Variants in PLCB3 observed in about 807,000 individuals in gnomAD.
PLCB3 encodes the protein phospholipase C beta 3.
Under a neutral mutation model 152.1 loss-of-function variants are expected in PLCB3, and 54 were observed. The observed-to-expected ratio is 0.36, with a 90% confidence interval of 0.29 to 0.45. The LOEUF (loss-of-function observed/expected upper bound fraction) is 0.45, where lower values mean the gene tolerates loss of function less well. Among genes scored for constraint, PLCB3 ranks in the 20% least tolerant of loss-of-function variants. The probability of loss-of-function intolerance (pLI) is 1.00; values close to 1 mark genes in which losing one functional copy is unlikely to be tolerated. For missense variants in PLCB3, 1,248 were observed against 1,687.5 expected (o/e 0.74, Z 4.56); for synonymous variants, 717 against 698.7 (o/e 1.03, Z -0.41).
In PLCB3 at chr11:64,259,130, C is replaced by T. The variant is rs1434673503; in HGVS notation, c.1411C>T (p.His471Tyr). Residue 471 changes from histidine (H) to tyrosine (Y), a missense_variant, in exon 13 of 31, where the codon CAC (histidine) becomes TAC (tyrosine). By Grantham distance (83) the His-to-Tyr change is moderately conservative. Coordinates refer to ENST00000279230, the MANE Select transcript of PLCB3 (RefSeq NM_000932.5). ...TATCCTGGTGAAGAACAAGAAGCGG[C>T]ACCGACCCAGCGCAGGTGGCCCAGA... ...GRILVKNKKRHRPSAGGPDSA... is the reference protein window; with the variant it reads ...GRILVKNKKRYRPSAGGPDSA... The T allele has an allele frequency of 1.9e-6, 3 of 1,611,890 alleles. No individual in the cohort carries two copies. The highest frequency in any genetic ancestry group is 4.5e-5 in the East Asian group (2 of 44,836).
In PLCB3 at chr11:64,262,528, G is replaced by T; in HGVS notation, c.2160G>T (p.Val720=). The T allele has an allele frequency of 6.2e-7, 1 of 1,613,964 alleles. No individual in the cohort carries two copies. Among genetic ancestry groups the T allele is most frequent in the Non-Finnish European group, 8.5e-7 (1 of 1,179,980 alleles). Residue 720 remains valine, a synonymous_variant, in exon 18 of 31, where the codon GTG becomes GTT. Coordinates refer to ENST00000279230, the MANE Select transcript of PLCB3 (RefSeq NM_000932.5). The stretch of plus-strand genomic sequence containing the variant: ...TCGACCCCTTCACTGAGGTCATCGT[G>T]GATGGCATCGTGGCCAATGCCTTGC... ...KSFDPFTEVI[V]DGIVANALRV...
In PLCB3 at chr11:64,261,958, C is replaced by T. The variant is rs772626853; in HGVS notation, c.1920C>T (p.Asn640=). The change falls in exon 17 of 31, where the codon AAC becomes AAT. Residue 640 remains asparagine, a synonymous_variant. Transcript: ENST00000279230. The part of the protein sequence containing the change: ...TKSPMEFVEY[N]KQQLSRIYPK... The stretch of plus-strand genomic sequence containing the variant: ...CCCTGACCACCAATCTCAGATACAA[C>T]AAGCAGCAGCTCAGCCGCATCTACC... 6.2e-7 allele frequency: 1 copy of T among 1,614,138 alleles called. No homozygotes were observed. Among genetic ancestry groups the T allele is most frequent in the Non-Finnish European group, 8.5e-7 (1 of 1,179,998 alleles).
chr11:64,265,136 C>T, intron 23 of PLCB3, 32 bp downstream of exon 23: 3 of 1,551,040 alleles, frequency 1.9e-6, no homozygotes, highest in Non-Finnish European at 2.6e-6. Flanking sequence ...GGGTGGGCTG[C>T]AGGGAGGCAC....
chr11:64,263,396 A>G (rs1275956273), intron 19 of PLCB3, 102 bp from the exon 20 acceptor site: 4 of 697,500 alleles, frequency 5.7e-6, no homozygotes, highest in Admixed American at 5.1e-5. Context: ...AGCTCGTCTG[A>G]AGGTCTGCTT....
At position 64,267,397 on chromosome 11, in the gene PLCB3, G is replaced by A. The variant is rs372161244; in HGVS notation, c.3546G>A (p.Arg1182=). The A allele has an allele frequency of 6.5e-7, 1 of 1,540,538 alleles. No individual in the cohort carries two copies. The highest frequency in any genetic ancestry group is 1.2e-5 in the South Asian group (1 of 82,712). Residue 1182 remains arginine (R), a synonymous_variant, in exon 31 of 31, where the codon AGG becomes AGA. Coordinates refer to ENST00000279230, the MANE Select transcript of PLCB3 (RefSeq NM_000932.5). The surrounding 1 kb of genome is among the most constrained non-coding windows in gnomAD (Gnocchi z 5.2). The part of the protein sequence containing the change: ...LAQECQEQRA[R]LPQEIRRSLL... The stretch of plus-strand genomic sequence containing the variant: ...AGGAGTGTCAGGAGCAGCGGGCGAG[G>A]CTCCCCCAGGAGATCCGCCGGAGCC...
At position 64,258,777 on chromosome 11, in the gene PLCB3, T is replaced by C; in HGVS notation, c.1253+64T>C. ...GACAGTCTTCCAGCTTCAGTGCTGT[T>C]GGACTGCTCAGGGACCTCCAACCCT... On this transcript the variant is annotated intron_variant, in intron 11 of 30. Coordinates refer to ENST00000279230, the MANE Select transcript of PLCB3 (RefSeq NM_000932.5). The surrounding 1 kb of genome is among the most constrained non-coding windows in gnomAD (Gnocchi z 7.2). The C allele has an allele frequency of 1.2e-6, 2 of 1,607,256 alleles. No homozygotes were observed. The highest frequency in any genetic ancestry group is 4.5e-5 in the East Asian group (2 of 44,768).
At chr11:64,260,959 T>C (rs773348804) in intron 14 of PLCB3, among the ~76,000 whole-genome samples, 2 of 152,080 alleles carry the variant, frequency 1.3e-5, no homozygotes, top group African/African-American at 2.4e-5. Flanking sequence ...TAAAGGGTCA[T>C]GATGTCTATA....
intron 8 of PLCB3, 116 bp from the exon 9 acceptor site, chr11:64,256,260 A>T: frequency 1.2e-6 from 1 of 866,370 alleles, no homozygotes; most frequent in East Asian, 2.6e-5. Context: ...AGTCCCACTC[A>T]CTGGGTGCCA....
Position 64,256,219 on chromosome 11 carries a change from G to A in PLCB3, c.699-157G>A, listed in dbSNP as rs80119495. 6.7e-3 allele frequency among the ~76,000 whole-genome samples: 1,022 copies of A among 152,256 alleles called. 11 individuals are homozygous for A. Among genetic ancestry groups the A allele is most frequent in the African/African-American group, 0.024 (985 of 41,546 alleles). On this transcript the variant is annotated intron_variant, in intron 8 of 30. Coordinates refer to ENST00000279230, the MANE Select transcript of PLCB3 (RefSeq NM_000932.5). The stretch of plus-strand genomic sequence containing the variant: ...AGTCAGGAGAGTAAAGGGGGAAACT[G>A]AGGCCCAGAGGTTGGCCATGACTCA...
chr11:64,267,384 A>G lies in PLCB3; in HGVS notation c.3533A>G (p.Glu1178Gly), dbSNP rs1296819765. 2.6e-6 allele frequency: 4 copies of G among 1,543,746 alleles called. No homozygotes were observed. The highest frequency in any genetic ancestry group is 1.2e-5 in the South Asian group (1 of 83,128). ...GCCCAGCTGGCCCAGGAGTGTCAGG[A>G]GCAGCGGGCGAGGCTCCCCCAGGAG... is the stretch of plus-strand genomic sequence containing the variant. ...LLAQLAQECQ[E>G]QRARLPQEIR... The change falls in exon 31 of 31, where the codon GAG (glutamate) becomes GGG (glycine). Residue 1178 changes from glutamate (E) to glycine (G), a missense_variant. This residue lies in a region of PLCB3 where 477 missense variants were observed against 489.6 expected (regional missense o/e 0.97). Transcript: ENST00000279230. This position sits in a 1 kb window ranked among gnomAD's most constrained non-coding sequence, Gnocchi z 5.2.
intron 22 of PLCB3, 43 bp downstream of exon 22, chr11:64,264,155 G>A (rs371855589): frequency 7.3e-5 from 97 of 1,337,532 alleles, no homozygotes; most frequent in Non-Finnish European, 9.7e-5. Context: ...TGTGACCCAG[G>A]GGGCCGCTGG....
chr11:64,267,626 TGC>T lies in PLCB3; in HGVS notation c.*71_*72del. On this transcript the variant is annotated 3_prime_UTR_variant, in exon 31 of 31. Transcript: ENST00000279230. This position sits in a 1 kb window ranked among gnomAD's most constrained non-coding sequence, Gnocchi z 5.2. ...GGAGGGCAGGAGGCAATGACACTAA[TGC>T]TTTTTTTTTTTTTTTTTAACTTTTT... is the stretch of plus-strand genomic sequence containing the variant. 1.0e-6 allele frequency: 1 copy of T among 997,258 alleles called. No homozygotes were observed. The highest frequency in any genetic ancestry group is 1.6e-5 in the South Asian group (1 of 61,404). 61.8% of individuals were successfully genotyped at this position (997,258 alleles called of 1,614,324 possible). A position where few individuals can be genotyped will look rare whatever the true frequency, so the allele number is the denominator to read the frequency against.
intron 1 of PLCB3, 53 bp downstream of exon 1, chr11:64,251,801 C>G (rs1591096384): frequency 1.9e-6 from 2 of 1,080,306 alleles, no homozygotes; most frequent in Non-Finnish European, 2.5e-6. Flanking sequence ...TTCAGTCAAG[C>G]TCGACCAGAC....
rs762545833 is a variant in PLCB3, at chr11:64,258,440, G to T, written c.1013-33G>T. The T allele has an allele frequency of 6.2e-7, 1 of 1,603,482 alleles. No individual in the cohort carries two copies. Among genetic ancestry groups the T allele is most frequent in the Non-Finnish European group, 8.5e-7 (1 of 1,175,644 alleles). On this transcript the variant is annotated intron_variant, in intron 10 of 30. Transcript: ENST00000279230. The surrounding 1 kb of genome is among the most constrained non-coding windows in gnomAD (Gnocchi z 7.2). ...GGGGTGGTGAGGAGCTGGGCTGGTG[G>T]GCGGCCTCGGTGACAGAGCCTCGCC...
Position 64,264,036 on chromosome 11 carries a change from TG to T in PLCB3, c.2577del (p.Ile860SerfsTer9). ...PDDHQDYAEA[L>X]INPIKHVSLM... ...CTCCCCCCAGACTATGCGGAGGCCC[TG>T]ATCAACCCCATTAAGCACGTCAGCC... On this transcript the variant is annotated frameshift_variant, in exon 22 of 31. Coordinates refer to ENST00000279230, the MANE Select transcript of PLCB3 (RefSeq NM_000932.5). LOFTEE classifies it high-confidence loss of function. 1 of 1,573,834 alleles carries T rather than the reference TG, an allele frequency of 6.4e-7. No homozygotes were observed.
chr11:64,266,224 T>C lies in PLCB3; in HGVS notation c.3266+22T>C, dbSNP rs200516033. On this transcript the variant is annotated intron_variant, in intron 27 of 30. Coordinates refer to ENST00000279230, the MANE Select transcript of PLCB3 (RefSeq NM_000932.5). This position sits in a 1 kb window ranked among gnomAD's most constrained non-coding sequence, Gnocchi z 4.9. ...AGAGGTGAAAGCCGAGGATTGTCTA[T>C]GGGAAGGGCTGGGGACTTCTAGTAC... 2.2e-5 allele frequency: 36 copies of C among 1,613,862 alleles called. No homozygotes were observed. In the East Asian group the frequency reaches 6.2e-4, roughly 28 times the overall value.
In PLCB3 at chr11:64,261,322, C is replaced by G. The variant is rs578185122; in HGVS notation, c.1732-78C>G. On this transcript the variant is annotated intron_variant, in intron 14 of 30. Transcript: ENST00000279230. ...ATAGTGCTGGGAAGAGGGTCAGCAC[C>G]TCCTTCATGGGGGGCAGGTGAGGGA... The G allele has an allele frequency of 1.4e-5, 15 of 1,037,096 alleles. No individual in the cohort carries two copies. The East Asian group carries it at 3.3e-4, about 23-fold the overall frequency. The allele number at this position is 1,037,096 out of a possible 1,614,324, so 64.2% of individuals were successfully genotyped here.
intron 1 of PLCB3, among the ~76,000 whole-genome samples, chr11:64,253,148 G>A (rs910997567): frequency 6.6e-6 from 1 of 152,222 alleles, no homozygotes; most frequent in Non-Finnish European, 1.5e-5. Flanking sequence ...AGGAAACTGA[G>A]GTCTGGAAAG....
intron 22 of PLCB3, among the ~76,000 whole-genome samples, chr11:64,264,599 C>T (rs2032020129): frequency 6.6e-6 from 1 of 152,152 alleles, no homozygotes; most frequent in Admixed American, 6.5e-5. Context: ...TAATCAGGAG[C>T]TCAGCAGCAA....
Sources: gnomAD v4.1 joint callset for allele counts (sites outside exome capture counted in the v4.1 genomes callset) on GRCh38, gnomAD v4.1.1 for gene constraint, gnomAD v4.1.1 regional missense constraint, Gnocchi (gnomAD v3.1) non-coding constraint, MANE v1.5 for transcripts, NCBI Gene and HGNC (gene_info 2026-07-23, HGNC 2026-07-21) for gene names.